Variants in CCNF observed in about 807,000 individuals in gnomAD.
The protein encoded by CCNF is cyclin-F.
CCNF carries 30 observed loss-of-function variants against 85.4 expected under a neutral mutation model. That is an observed-to-expected ratio of 0.35 (90% CI 0.26 to 0.48). The LOEUF (loss-of-function observed/expected upper bound fraction) is 0.48, where lower values mean the gene tolerates loss of function less well. Ranked by LOEUF, CCNF falls within the 20% of genes least tolerant of loss-of-function variation. CCNF has a pLI of 0.99. For missense variants in CCNF, 919 were observed against 1,010.4 expected (o/e 0.91, Z 1.23); for synonymous variants, 439 against 425.1 (o/e 1.03, Z -0.40).
Position 2,456,811 on chromosome 16 carries a change from T to G in CCNF, c.2152T>G (p.Leu718Val). ...ASPTSSVDGGLGALPQPTSVL... is the reference protein window; with the variant it reads ...ASPTSSVDGGVGALPQPTSVL... ...TCCCACAAGCTCCGTGGACGGTGGCTTGGGGGCCCTGCCCCAACCTACCTC... is the reference window on the plus strand; with the variant it reads ...TCCCACAAGCTCCGTGGACGGTGGCGTGGGGGCCCTGCCCCAACCTACCTC... The change falls in exon 17 of 17, where the codon TTG (leucine) becomes GTG (valine). Residue 718 changes from leucine (L) to valine (V), a missense_variant. Physicochemically the swap from Leu to Val is conservative, Grantham distance 32. This residue lies in a region of CCNF where 505 missense variants were observed against 514.8 expected (regional missense o/e 0.98). Coordinates refer to ENST00000397066, the MANE Select transcript of CCNF (RefSeq NM_001761.3). The surrounding 1 kb of genome is among the most constrained non-coding windows in gnomAD (Gnocchi z 4.5). 1 of 1,613,846 alleles carries G rather than the reference T, an allele frequency of 6.2e-7. No homozygotes were observed. The highest frequency in any genetic ancestry group is 1.3e-5 in the African/African-American group (1 of 75,048).
At chr16:2,435,591 A>AGT (rs1243419934) in intron 3 of CCNF, among the ~76,000 whole-genome samples, 1 of 56,524 alleles carries the variant, frequency 1.8e-5, no homozygotes, top group Non-Finnish European at 2.9e-5. Context: ...TCTCAGAGAG[A>AGT]GAGAGATATA....
At position 2,447,318 on chromosome 16, in the gene CCNF, C is replaced by T. The variant is rs182262642; in HGVS notation, c.1095-1537C>T. 2.9e-3 allele frequency among the ~76,000 whole-genome samples: 439 copies of T among 150,798 alleles called. 1 individual carries two copies. Among genetic ancestry groups the T allele is most frequent in the African/African-American group, 0.01 (411 of 40,946 alleles). On this transcript the variant is annotated intron_variant, in intron 10 of 16. Transcript: ENST00000397066. ...TAAATCCGGGGACCAGGCACGGTGG[C>T]TCACGCCTGTAATCCCAGCACTTTG...
intron 1 of CCNF, among the ~76,000 whole-genome samples, chr16:2,429,947 C>T (rs2065254616): frequency 6.6e-6 from 1 of 152,198 alleles, no homozygotes; most frequent in Non-Finnish European, 1.5e-5. Flanking sequence ...CTGTGGAAAG[C>T]AGCGTTCGGC....
rs2065427328 is a variant in CCNF at position 2,456,326 on chromosome 16, T to C, written c.1886-219T>C. On this transcript the variant is annotated intron_variant, in intron 16 of 16. Transcript: ENST00000397066. The surrounding 1 kb of genome is among the most constrained non-coding windows in gnomAD (Gnocchi z 4.5). ...CTGCGTCCACTTGGCTTGAGCTAGA[T>C]GGCCAACTTGTCATCTCCACATTTG... The C allele has an allele frequency of 4.1e-6, 2 of 482,198 alleles. No homozygotes were observed. Among genetic ancestry groups the C allele is most frequent in the Non-Finnish European group, 7.3e-6 (2 of 274,564 alleles). The allele number at this position is 482,198 out of a possible 1,614,324, so 29.9% of individuals were successfully genotyped here. A position where few individuals can be genotyped will look rare whatever the true frequency, so the allele number is the denominator to read the frequency against.
rs749429314 is a variant in CCNF, at chr16:2,432,948, C to G, written c.172-13C>G. 1.3e-6 allele frequency: 2 copies of G among 1,564,680 alleles called. No individual in the cohort carries two copies. Among genetic ancestry groups the G allele is most frequent in the Admixed American group, 1.7e-5 (1 of 59,108 alleles). On this transcript the variant is annotated splice_polypyrimidine_tract_variant and intron_variant, in intron 2 of 16. Transcript: ENST00000397066. ...GCCTCCATCACCCAGCCCCGGCCCC[C>G]GTTGTTCTGCAGGTACACTCCCAGC...
intron 1 of CCNF, 47 bp downstream of exon 1, chr16:2,429,544 G>T: frequency 8.1e-7 from 1 of 1,227,502 alleles, no homozygotes; most frequent in Non-Finnish European, 1.0e-6. Context: ...CACCCCTTCT[G>T]CCTGCCCTGC....
Position 2,456,712 on chromosome 16 carries a change from C to G in CCNF, c.2053C>G (p.Pro685Ala). ...TQIPATPGPK[P>A]LVRTSREPGK... ...GATCCCTGCAACCCCTGGACCCAAA[C>G]CCCTGGTCCGCACCAGCCGGGAGCC... Residue 685 changes from proline (P) to alanine (A), a missense_variant, in exon 17 of 17, where the codon CCC becomes GCC. Physicochemically the swap from Pro to Ala is conservative, Grantham distance 27 (BLOSUM62 -1). Around this residue, in one of 3 missense-constraint regions of CCNF, gnomAD observed 505 missense variants for 514.8 expected, o/e 0.98. Coordinates refer to ENST00000397066, the MANE Select transcript of CCNF (RefSeq NM_001761.3). This position sits in a 1 kb window ranked among gnomAD's most constrained non-coding sequence, Gnocchi z 4.5. The G allele has an allele frequency of 6.2e-7, 1 of 1,613,010 alleles. No individual in the cohort carries two copies. Among genetic ancestry groups the G allele is most frequent in the Non-Finnish European group, 8.5e-7 (1 of 1,179,552 alleles).
chr16:2,456,888 C>A lies in CCNF; in HGVS notation c.2229C>A (p.Ala743=). 1 of 1,614,180 alleles carries A rather than the reference C, an allele frequency of 6.2e-7. No homozygotes were observed. The highest frequency in any genetic ancestry group is 8.5e-7 in the Non-Finnish European group (1 of 1,180,042). ...DSHTQPCHHQ[A]RKSCLQCRPP... ...ACACACAGCCCTGCCACCATCAGGC[C>A]AGGAAGTCATGTTTACAGTGTCGTC... Residue 743 remains alanine, a synonymous_variant, in exon 17 of 17, where the codon GCC becomes GCA. Transcript: ENST00000397066. The surrounding 1 kb of genome is among the most constrained non-coding windows in gnomAD (Gnocchi z 4.5).
rs566884441 is a variant in CCNF at position 2,453,477 on chromosome 16, T to C, written c.1655T>C (p.Phe552Ser). Residue 552 changes from phenylalanine to serine, a missense_variant, in exon 15 of 17, where the codon TTC becomes TCC. Coordinates refer to ENST00000397066, the MANE Select transcript of CCNF (RefSeq NM_001761.3). The surrounding 1 kb of genome is among the most constrained non-coding windows in gnomAD (Gnocchi z 5.6). ...CAAGACAGCCCCGACCCCCCGACTT[T>C]CCTCAGCACAGGGGAGATCCACGCC... ...VTQDSPDPPT[F>S]LSTGEIHAFL... 1.9e-6 allele frequency: 3 copies of C among 1,613,898 alleles called. No homozygotes were observed. Among genetic ancestry groups the C allele is most frequent in the African/African-American group, 2.7e-5 (2 of 74,880 alleles).
In CCNF at chr16:2,451,055, G is replaced by A. The variant is rs370108585; in HGVS notation, c.1487+1140G>A. ...CCCTTCTCTCTGGTGAGCCTGGCCCGGCCCTCGCCACATCTAAGCCCCTTC... is the reference window on the plus strand; with the variant it reads ...CCCTTCTCTCTGGTGAGCCTGGCCCAGCCCTCGCCACATCTAAGCCCCTTC... On this transcript the variant is annotated intron_variant, in intron 13 of 16. Transcript: ENST00000397066. This position sits in a 1 kb window ranked among gnomAD's most constrained non-coding sequence, Gnocchi z 4.3. 4.8e-4 allele frequency among the ~76,000 whole-genome samples: 73 copies of A among 152,302 alleles called. No individual in the cohort carries two copies. The highest frequency in any genetic ancestry group is 1.7e-3 in the African/African-American group (69 of 41,564).
intron 4 of CCNF, 142 bp downstream of exon 4, chr16:2,436,015 C>CTCGT (rs1175405878): frequency 1.8e-6 from 1 of 565,662 alleles, no homozygotes; most frequent in East Asian, 3.0e-5. Context: ...CTCTCAGGAG[C>CTCGT]TCGTGCCCAG....
At chr16:2,447,716 A>G (rs1404223626) in intron 10 of CCNF, among the ~76,000 whole-genome samples, 1 of 151,952 alleles carries the variant, frequency 6.6e-6, no homozygotes, top group Non-Finnish European at 1.5e-5. Flanking sequence ...GCGCCACTGC[A>G]CTAATCCAGC....
chr16:2,450,191 A>G (rs2065386608), intron 13 of CCNF, among the ~76,000 whole-genome samples: 1 of 149,868 alleles, frequency 6.7e-6, no homozygotes, highest in Non-Finnish European at 1.5e-5. Flanking sequence ...TGGGTGACAG[A>G]GCAAGACTCT....
rs1035056876 is a variant in CCNF, at chr16:2,458,418, T to G, written c.*1398T>G. On this transcript the variant is annotated 3_prime_UTR_variant, in exon 17 of 17. Coordinates refer to ENST00000397066, the MANE Select transcript of CCNF (RefSeq NM_001761.3). ...AAGCACCCAACCACGCCCAGCTAAT[T>G]TTTGTATTTTCGGTAGAGACGGGAT... The G allele has an allele frequency of 2.0e-5, 3 of 152,028 alleles. No individual in the cohort carries two copies. Among genetic ancestry groups the G allele is most frequent in the African/African-American group, 7.3e-5 (3 of 41,368 alleles). The allele number at this position is 152,028 out of a possible 1,614,324, so 9.4% of individuals were successfully genotyped here.
chr16:2,434,386 G>A lies in CCNF; in HGVS notation c.278+1319G>A, dbSNP rs1281342862. 2.6e-5 allele frequency among the ~76,000 whole-genome samples: 4 copies of A among 152,156 alleles called. No homozygotes were observed. In the South Asian group the frequency reaches 6.2e-4, roughly 24 times the overall value. ...TCCCAGCACTTTGGGAGACCAAGGC[G>A]GGCGGATCACGAGGTCAAGAGTTTG... On this transcript the variant is annotated intron_variant, in intron 3 of 16. Transcript: ENST00000397066.
At chr16:2,431,072 G>A in intron 1 of CCNF, 58 bp from the exon 2 acceptor site, 3 of 1,538,682 alleles carry the variant, frequency 1.9e-6, no homozygotes, top group Middle Eastern at 1.7e-4. Context: ...TCCCTTCAAG[G>A]GTGTGTATAT....
In CCNF at chr16:2,429,516, C is replaced by T. The variant is rs974267823; in HGVS notation, c.16+19C>T. On this transcript the variant is annotated intron_variant, in intron 1 of 16. Transcript: ENST00000397066. ...GGCGGCGGTGAGTGCGGGGCGATGT[C>T]CGCTGGTTTCTGCCCCACACCCCTT... 12 of 1,230,416 alleles carry T rather than the reference C, an allele frequency of 9.8e-6. No individual in the cohort carries two copies. Among genetic ancestry groups the T allele is most frequent in the Non-Finnish European group, 1.2e-5 (12 of 985,912 alleles). 76.2% of individuals were successfully genotyped at this position (1,230,416 alleles called of 1,614,324 possible).
In CCNF at chr16:2,443,718, G is replaced by A. The variant is rs781701989; in HGVS notation, c.847G>A (p.Val283Ile). The A allele has an allele frequency of 1.4e-5, 23 of 1,613,918 alleles. No homozygotes were observed. Among genetic ancestry groups the A allele is most frequent in the African/African-American group, 5.3e-5 (4 of 74,904 alleles). Residue 283 changes from valine (V) to isoleucine (I), a missense_variant, in exon 9 of 17, where the codon GTC becomes ATC. Coordinates refer to ENST00000397066, the MANE Select transcript of CCNF (RefSeq NM_001761.3). ...GLEVRASSEI[V>I]CQLFQASQAV... ...GGAGGTGAGAGCTTCCAGTGAGATCGTCTGCCAGCTATTTCAGGCTTCCCA... is the reference window on the plus strand; with the variant it reads ...GGAGGTGAGAGCTTCCAGTGAGATCATCTGCCAGCTATTTCAGGCTTCCCA...
intron 8 of CCNF, among the ~76,000 whole-genome samples, chr16:2,442,959 T>A (rs1281119097): frequency 6.7e-4 from 69 of 102,398 alleles, no homozygotes; most frequent in Middle Eastern, 4.6e-3. Flanking sequence ...TATTATATAT[T>A]TTTATATATT....
Sources: gnomAD v4.1 joint callset for allele counts (sites outside exome capture counted in the v4.1 genomes callset) on GRCh38, gnomAD v4.1.1 for gene constraint, gnomAD v4.1.1 regional missense constraint, Gnocchi (gnomAD v3.1) non-coding constraint, MANE v1.5 for transcripts, NCBI Gene and HGNC (gene_info 2026-07-23, HGNC 2026-07-21) for gene names.